PRKN: variants seen among roughly 807,000 people sequenced by gnomAD.
The protein encoded by PRKN is E3 ubiquitin-protein ligase parkin.
PRKN carries 56 observed loss-of-function variants against 59.5 expected under a neutral mutation model. That is an observed-to-expected ratio of 0.94 (90% CI 0.76 to 1.18). PRKN has a LOEUF of 1.18. PRKN is among the 50% of genes most tolerant of loss of function. The pLI is 0.00. For synonymous variants in PRKN, 250 were observed against 222.1 expected, an observed-to-expected ratio of 1.13 and a Z score of -1.12; for missense variants, 657 against 596.4, an observed-to-expected ratio of 1.10 and a Z score of -1.06.
intron 4 of PRKN, among the ~76,000 whole-genome samples, chr6:162,059,187 G>A (rs1777994715): frequency 6.6e-6 from 1 of 152,114 alleles, no homozygotes; most frequent in South Asian, 2.1e-4. Context: ...CAGGTACTAT[G>A]TTATCTGACA....
chr6:161,909,450 A>G (rs1476744491), intron 6 of PRKN, among the ~76,000 whole-genome samples: 1 of 152,202 alleles, frequency 6.6e-6, no homozygotes, highest in Non-Finnish European at 1.5e-5. Flanking sequence ...TTAAAAAAAA[A>G]GAATCTCCAG....
chr6:161,835,216 G>A (rs953063342), intron 6 of PRKN, among the ~76,000 whole-genome samples: 14 of 152,114 alleles, frequency 9.2e-5, no homozygotes, highest in African/African-American at 3.1e-4. Context: ...ATAAATTAAA[G>A]ACCTGGCTTA....
At chr6:162,446,773 G>C (rs761662723) in intron 1 of PRKN, among the ~76,000 whole-genome samples, 5 of 152,094 alleles carry the variant, frequency 3.3e-5, no homozygotes, top group Non-Finnish European at 7.4e-5. Context: ...AATGTGATTT[G>C]AGTGGGTCTC....
At chr6:161,983,821 G>A (rs1279242279) in intron 5 of PRKN, among the ~76,000 whole-genome samples, 1 of 111,968 alleles carries the variant, frequency 8.9e-6, no homozygotes, top group Non-Finnish European at 1.8e-5. Context: ...ACACATTAGT[G>A]GGTGCAGCGC....
intron 6 of PRKN, among the ~76,000 whole-genome samples, chr6:161,959,067 C>A (rs1041108490): frequency 3.9e-5 from 6 of 152,044 alleles, no homozygotes; most frequent in Non-Finnish European, 7.4e-5. Context: ...TTTGTTATTT[C>A]TTGTCCAAAA....
chr6:162,642,661 T>C (rs1213486897), intron 1 of PRKN, among the ~76,000 whole-genome samples: 1 of 151,744 alleles, frequency 6.6e-6, no homozygotes, highest in African/African-American at 2.4e-5. Context: ...ATGAGAAAAA[T>C]TTAAATCTTA....
At chr6:162,117,735 C>T (rs1372821259) in intron 4 of PRKN, among the ~76,000 whole-genome samples, 1 of 152,210 alleles carries the variant, frequency 6.6e-6, no homozygotes, top group Non-Finnish European at 1.5e-5. Context: ...TGAGGACAAG[C>T]CTTTTACCTC....
At chr6:162,603,338 C>T (rs750138862) in intron 1 of PRKN, among the ~76,000 whole-genome samples, 2 of 152,198 alleles carry the variant, frequency 1.3e-5, no homozygotes, top group Non-Finnish European at 2.9e-5. Context: ...AATACATACT[C>T]GCTTTCTCTT....
chr6:161,847,679 C>T (rs1793257801), intron 6 of PRKN, among the ~76,000 whole-genome samples: 1 of 151,630 alleles, frequency 6.6e-6, no homozygotes, highest in African/African-American at 2.4e-5. Context: ...AAATTGAATC[C>T]GGGGTGCATC....
At chr6:162,540,157 C>A (rs760396737) in intron 1 of PRKN, among the ~76,000 whole-genome samples, 1 of 152,172 alleles carries the variant, frequency 6.6e-6, no homozygotes, top group African/African-American at 2.4e-5. Flanking sequence ...CTCAGGTGAT[C>A]CACCCGCCTT....
chr6:161,777,765 ATATATGTATATATG>A (rs1027007494), intron 7 of PRKN, among the ~76,000 whole-genome samples: 2 of 142,168 alleles, frequency 1.4e-5, no homozygotes, highest in Non-Finnish European at 3.0e-5. Context: ...ATGTATATGT[ATATATGTATATATG>A]TATATGTATA....
rs57265104 is a variant in PRKN at position 162,359,079 on chromosome 6, A to AAAAAT, written c.171+84230_171+84231insATTTT. Among the ~76,000 whole-genome samples, 32 of 83,248 alleles carry AAAAAT rather than the reference A, an allele frequency of 3.8e-4. No homozygotes were observed. In the South Asian group the frequency reaches 4.0e-3, roughly 10 times the overall value. 54.6% of individuals were successfully genotyped at this position (83,248 alleles called of 152,430 possible). Reference sequence around the variant, plus strand: ...TGTGGCAAAAAAAAAAAAAAAAAAAAATATATATATATATATATGAAATCA... The same window carrying AAAAAT: ...TGTGGCAAAAAAAAAAAAAAAAAAAAAAAATATATATATATATATATATGAAATCA... On this transcript the variant is annotated intron_variant, in intron 2 of 11. Transcript: ENST00000366898.
intron 1 of PRKN, among the ~76,000 whole-genome samples, chr6:162,694,236 C>CAAAAAAAAAAAAAAA (rs149337714): frequency 1.1e-5 from 1 of 93,516 alleles, no homozygotes; most frequent in African/African-American, 4.3e-5. Flanking sequence ...AACAGTGAGA[C>CAAAAAAAAAAAAAAA]AAAAAAAAAA....
At position 162,103,708 on chromosome 6, in the gene PRKN, G is replaced by A. The variant is rs149621598; in HGVS notation, c.535-49534C>T. 7.0e-3 allele frequency among the ~76,000 whole-genome samples: 1,059 copies of A among 152,292 alleles called. 11 individuals carry two copies. Among genetic ancestry groups the A allele is most frequent in the African/African-American group, 0.025 (1,019 of 41,566 alleles). On this transcript the variant is annotated intron_variant, in intron 4 of 11. Coordinates refer to ENST00000366898, the MANE Select transcript of PRKN (RefSeq NM_004562.3). Reference sequence around the variant, plus strand: ...GAAACTAGCACTCAGAGGAACGCCAGGGCAGTGGGCCTTCTGAGCCCAGAA... The same window carrying A: ...GAAACTAGCACTCAGAGGAACGCCAAGGCAGTGGGCCTTCTGAGCCCAGAA...
chr6:162,463,000 G>A (rs1047146778), intron 1 of PRKN, among the ~76,000 whole-genome samples: 4 of 151,880 alleles, frequency 2.6e-5, no homozygotes, highest in African/African-American at 7.3e-5. Context: ...AGGCTGAGGC[G>A]GGAGGTTGCA....
At chr6:162,043,901 C>G (rs67549943) in intron 5 of PRKN, among the ~76,000 whole-genome samples, 24,854 of 152,052 alleles carry the variant, frequency 0.16, 2,675 homozygotes, top group African/African-American at 0.3. Flanking sequence ...TGAGGAACAC[C>G]CTGGAGAAAC....
rs754739638 is a variant in PRKN at position 162,727,726 on chromosome 6, C to T, written c.-58G>A. On this transcript the variant is annotated 5_prime_UTR_variant, in exon 1 of 12. Transcript: ENST00000366898. ...AACAGGCCCATGCGCGCAGCGGCGC[C>T]AGCCGCGCCTCCCACCAGCGGCTCT... The T allele has an allele frequency of 3.5e-5, 53 of 1,535,636 alleles. No homozygotes were observed. Among genetic ancestry groups the T allele is most frequent in the Admixed American group, 2.7e-4 (14 of 51,054 alleles).
chr6:162,182,223 G>A (rs942022233), intron 4 of PRKN, among the ~76,000 whole-genome samples: 16 of 152,102 alleles, frequency 1.1e-4, no homozygotes, highest in Admixed American at 9.2e-4. Context: ...CTACACTCTA[G>A]TCATTAAACA....
At chr6:161,781,865 G>A (rs1406597708) in intron 7 of PRKN, among the ~76,000 whole-genome samples, 2 of 152,154 alleles carry the variant, frequency 1.3e-5, no homozygotes, top group Non-Finnish European at 2.9e-5. Context: ...CAACTACATA[G>A]AATAACATTT....
Sources: gnomAD v4.1 joint callset for allele counts (sites outside exome capture counted in the v4.1 genomes callset) on GRCh38, gnomAD v4.1.1 for gene constraint, MANE v1.5 for transcripts, NCBI Gene and HGNC (gene_info 2026-07-23, HGNC 2026-07-21) for gene names.